Variants in FANCB observed in about 807,000 individuals in gnomAD.
The protein encoded by FANCB is Fanconi anemia group B protein.
In FANCB, 5 loss-of-function variants were observed where a neutral mutation model predicts 38.9. The ratio of observed to expected loss-of-function variants is 0.13; its 90% confidence interval spans 0.07 to 0.27. The LOEUF (loss-of-function observed/expected upper bound fraction) is 0.27, where lower values mean the gene tolerates loss of function less well. Among genes scored for constraint, FANCB ranks in the 10% least tolerant of loss-of-function variants. The pLI, the probability that FANCB is intolerant of heterozygous loss-of-function variation, is 1.00. For synonymous variants in FANCB, 236 were observed against 215.4 expected (o/e 1.10, Z -0.84); for missense variants, 573 against 602.7 (o/e 0.95, Z 0.52).
downstream of FANCB, among the ~76,000 whole-genome samples, chrX:14,832,247 G>C (rs1034245797): frequency 9.0e-6 from 1 of 111,451 alleles, no homozygotes; most frequent in Non-Finnish European, 1.9e-5. Context: ...CTACCTTCTG[G>C]TGATTTGCAG....
At chrX:14,703,319 C>T in the FANCB span, among the ~76,000 whole-genome samples, 1 of 111,335 alleles carries the variant, frequency 9.0e-6, no homozygotes, top group African/African-American at 3.3e-5. Flanking sequence ...GAGCTACTTA[C>T]ATTCCTTGGC....
At chrX:14,692,309 G>A in the FANCB span, among the ~76,000 whole-genome samples, 7 of 112,246 alleles carry the variant, frequency 6.2e-5, no homozygotes, top group Admixed American at 9.5e-5. Flanking sequence ...TGGTGCTAAC[G>A]TTTCTTTAAT....
At chrX:14,787,180 T>G in the FANCB span, among the ~76,000 whole-genome samples, 1 of 110,792 alleles carries the variant, frequency 9.0e-6, no homozygotes, top group Non-Finnish European at 1.9e-5. Context: ...CAATGCCCCT[T>G]GGGATTCATT....
chrX:14,824,309 T>C, the FANCB span, among the ~76,000 whole-genome samples: 2 of 111,777 alleles, frequency 1.8e-5, no homozygotes, highest in Non-Finnish European at 3.8e-5. Flanking sequence ...GTCAGGTGCA[T>C]CTATCATACA....
the FANCB span, among the ~76,000 whole-genome samples, chrX:14,816,882 GT>G: frequency 1.8e-5 from 2 of 111,781 alleles, no homozygotes; most frequent in African/African-American, 6.5e-5. Context: ...CTTTGGGCAA[GT>G]TTCTGAACCA....
chrX:14,746,817 C>A, the FANCB span, among the ~76,000 whole-genome samples: 1 of 112,060 alleles, frequency 8.9e-6, no homozygotes, highest in Admixed American at 9.5e-5. Flanking sequence ...CTTTCTCTTC[C>A]TTTTTGTTCC....
At chrX:14,724,289 C>T in the FANCB span, among the ~76,000 whole-genome samples, 99 of 111,097 alleles carry the variant, frequency 8.9e-4, no homozygotes, top group Admixed American at 1.4e-3. Context: ...AACTCTACCA[C>T]GTACCTGGCA....
At chrX:14,740,958 A>ACACACACACG in the FANCB span, among the ~76,000 whole-genome samples, 101 of 110,195 alleles carry the variant, frequency 9.2e-4, no homozygotes, top group African/African-American at 3.1e-3. Context: ...ACACAAACAC[A>ACACACACACG]TGCACACACA....
At chrX:14,720,730 AC>A in the FANCB span, among the ~76,000 whole-genome samples, 1 of 111,887 alleles carries the variant, frequency 8.9e-6, no homozygotes, top group Non-Finnish European at 1.9e-5. Context: ...CCACTGAGTA[AC>A]CTTTTTAGTC....
At chrX:14,840,246 C>T (rs908356585), downstream of FANCB, among the ~76,000 whole-genome samples, 2 of 111,722 alleles carry the variant, frequency 1.8e-5, no homozygotes, top group African/African-American at 6.5e-5. Flanking sequence ...ATTTGCATTC[C>T]ACTGTGTCAA....
the FANCB span, among the ~76,000 whole-genome samples, chrX:14,753,986 C>A: frequency 8.9e-6 from 1 of 112,316 alleles, no homozygotes; most frequent in Non-Finnish European, 1.9e-5. Context: ...GTTTACACAG[C>A]CGCATTGCTC....
At chrX:14,852,414 G>A (rs1237205550) in intron 6 of FANCB, among the ~76,000 whole-genome samples, 5 of 110,384 alleles carry the variant, frequency 4.5e-5, no homozygotes, top group Admixed American at 1.9e-4. Context: ...TGATCCGCCC[G>A]TCTCGGCCTC....
chrX:14,844,445 T>C (rs2092366859), intron 9 of FANCB, 58 bp downstream of exon 9: 1 of 833,750 alleles, frequency 1.2e-6, no homozygotes. Context: ...GAACCACACA[T>C]TGATCACACT....
At chrX:14,763,670 C>T in the FANCB span, among the ~76,000 whole-genome samples, 1 of 111,544 alleles carries the variant, frequency 9.0e-6, no homozygotes, top group South Asian at 3.7e-4. Flanking sequence ...CGATTGTTTA[C>T]ACTTTAAAAA....
At chrX:14,804,360 C>G in the FANCB span, among the ~76,000 whole-genome samples, 1 of 111,972 alleles carries the variant, frequency 8.9e-6, no homozygotes, top group African/African-American at 3.3e-5. Flanking sequence ...TGGAAACCAT[C>G]ATTCTCAGCA....
chrX:14,835,371 G>A (rs1238935850), downstream of FANCB: 1 of 415,096 alleles, frequency 2.4e-6, no homozygotes, highest in Non-Finnish European at 4.5e-6. Context: ...AGAGATAAAC[G>A]ACCCCAGCTC....
At chrX:14,834,843 G>T, downstream of FANCB, 1 of 565,887 alleles carries the variant, frequency 1.8e-6, no homozygotes, top group Non-Finnish European at 3.1e-6. Flanking sequence ...ATCTTCATCA[G>T]CAACAAGTTT....
At chrX:14,716,297 AC>A in the FANCB span, among the ~76,000 whole-genome samples, 3 of 111,744 alleles carry the variant, frequency 2.7e-5, no homozygotes, top group African/African-American at 9.8e-5. Flanking sequence ...AAATTGAAGA[AC>A]AAAAAAAAAT....
the FANCB span, among the ~76,000 whole-genome samples, chrX:14,815,209 T>C: frequency 9.1e-6 from 1 of 110,107 alleles, no homozygotes; most frequent in Non-Finnish European, 1.9e-5. Flanking sequence ...TTAGGAGAAA[T>C]ACCTAATGTA....
Sources: gnomAD v4.1 joint callset for allele counts (sites outside exome capture counted in the v4.1 genomes callset) on GRCh38, gnomAD v4.1.1 for gene constraint, MANE v1.5 for transcripts, NCBI Gene and HGNC (gene_info 2026-07-23, HGNC 2026-07-21) for gene names.